Variants in KIF1A observed in about 807,000 individuals in gnomAD.
KIF1A encodes the protein kinesin-like protein KIF1A.
KIF1A carries 46 observed loss-of-function variants against 227.3 expected under a neutral mutation model. That is an observed-to-expected ratio of 0.20 (90% CI 0.16 to 0.26). KIF1A has a LOEUF of 0.26. Among genes scored for constraint, KIF1A ranks in the 10% least tolerant of loss-of-function variants. The pLI, the probability that KIF1A is intolerant of heterozygous loss-of-function variation, is 1.00. For synonymous variants in KIF1A, 1,022 were observed against 1,012.8 expected (o/e 1.01, Z -0.17); for missense variants, 1,683 against 2,485.9 (o/e 0.68, Z 6.87).
chr2:240,743,555 T>G (rs951105663), intron 33 of KIF1A, among the ~76,000 whole-genome samples: 6 of 152,158 alleles, frequency 3.9e-5, no homozygotes, highest in Non-Finnish European at 8.8e-5. Context: ...CTGCGTGGAC[T>G]GAGGGAGCTA....
chr2:240,806,059 G>A (rs2057376862), intron 1 of KIF1A, among the ~76,000 whole-genome samples: 1 of 152,192 alleles, frequency 6.6e-6, no homozygotes, highest in Non-Finnish European at 1.5e-5. Flanking sequence ...TCAGACATCA[G>A]ACAATAGGCA....
chr2:240,791,943 G>A (rs985040726), intron 2 of KIF1A, among the ~76,000 whole-genome samples: 4 of 146,450 alleles, frequency 2.7e-5, no homozygotes, highest in Admixed American at 6.8e-5. Context: ...CACTGGGGCT[G>A]GGACCCCCAC....
chr2:240,787,195 GC>G (rs1239684562), intron 5 of KIF1A, 55 bp downstream of exon 5: 6 of 1,398,846 alleles, frequency 4.3e-6, no homozygotes, highest in Non-Finnish European at 1.0e-6. Context: ...AGCACTGCCA[GC>G]CACACCAGAT....
rs7567787 is a variant in KIF1A at position 240,766,273 on chromosome 2, A to C, written c.1685-480T>G. ...GGTCTGCAGGCCAGAGGCTGGCTGG[A>C]TGCTGCCGGGAGATGCCCTTAGCCT... On this transcript the variant is annotated intron_variant, in intron 19 of 48. Coordinates refer to ENST00000498729, the MANE Select transcript of KIF1A (RefSeq NM_001244008.2). The surrounding 1 kb of genome is among the most constrained non-coding windows in gnomAD (Gnocchi z 5.0). 8.5e-3 allele frequency among the ~76,000 whole-genome samples: 1,290 copies of C among 152,324 alleles called. 12 individuals carry two copies. The highest frequency in any genetic ancestry group is 0.028 in the African/African-American group (1,175 of 41,568).
At chr2:240,812,667 C>T (rs540863363) in intron 1 of KIF1A, among the ~76,000 whole-genome samples, 758 of 150,242 alleles carry the variant, frequency 5.0e-3, no homozygotes, top group Non-Finnish European at 8.5e-3. Flanking sequence ...TCCACCTTCA[C>T]CTCAGGGATC....
intron 1 of KIF1A, among the ~76,000 whole-genome samples, chr2:240,812,924 A>ACCTCGGGGATCC (rs1205330618): frequency 1.1e-3 from 50 of 46,302 alleles, no homozygotes; most frequent in East Asian, 3.1e-3. Flanking sequence ...CTCGGGGATC[A>ACCTCGGGGATCC]GCCTTCACCT....
intron 2 of KIF1A, among the ~76,000 whole-genome samples, chr2:240,796,425 G>A (rs556389282): frequency 2.0e-5 from 3 of 152,260 alleles, no homozygotes; most frequent in South Asian, 2.1e-4. Context: ...CCAGGGCCCC[G>A]GCCACGGAGG....
chr2:240,805,023 AAGGGGAGGGG>A (rs1369319573), intron 1 of KIF1A, among the ~76,000 whole-genome samples: 2 of 140,452 alleles, frequency 1.4e-5, no homozygotes, highest in African/African-American at 5.2e-5. Flanking sequence ...AAGGGAAGGG[AAGGGGAGGGG>A]AGGGGAGGGA....
rs567933780 is a variant in KIF1A at position 240,813,040 on chromosome 2, C to T, written c.-61+7082G>A. On this transcript the variant is annotated intron_variant, in intron 1 of 48. Transcript: ENST00000498729. ...GATCTGCCTTCACCTCAAGGATCCACTTGCTCCCAGTTAGACAAGTGGCCC... is the reference window on the plus strand; with the variant it reads ...GATCTGCCTTCACCTCAAGGATCCATTTGCTCCCAGTTAGACAAGTGGCCC... Among the ~76,000 whole-genome samples the T allele has an allele frequency of 2.4e-4, 36 of 152,038 alleles. No individual in the cohort carries two copies. In the East Asian group the frequency reaches 3.1e-3, roughly 13 times the overall value.
At chr2:240,781,550 C>T (rs917987057) in intron 10 of KIF1A, among the ~76,000 whole-genome samples, 1 of 152,040 alleles carries the variant, frequency 6.6e-6, no homozygotes, top group African/African-American at 2.4e-5. Context: ...ATCTGGACAG[C>T]GGATCGTTCT....
At chr2:240,794,096 G>A (rs2056082580) in intron 2 of KIF1A, among the ~76,000 whole-genome samples, 1 of 152,092 alleles carries the variant, frequency 6.6e-6, no homozygotes, top group Admixed American at 6.5e-5. Context: ...GGCTTGTCTG[G>A]GGGCAGGTCA....
intron 38 of KIF1A, among the ~76,000 whole-genome samples, chr2:240,730,632 G>A (rs949202373): frequency 6.6e-6 from 1 of 152,224 alleles, no homozygotes; most frequent in Non-Finnish European, 1.5e-5. Context: ...CTCGCCCGAA[G>A]GGAACATGAT....
chr2:240,723,951 AGT>A (rs756753144), intron 41 of KIF1A, 22 bp downstream of exon 41: 26 of 1,604,690 alleles, frequency 1.6e-5, no homozygotes, highest in Non-Finnish European at 2.2e-5. Flanking sequence ...GAACCCACCC[AGT>A]GAGAGCAGGG....
chr2:240,782,944 C>A, intron 9 of KIF1A, 100 bp downstream of exon 9: 1 of 1,010,212 alleles, frequency 9.9e-7, no homozygotes. Context: ...ACCTGGCCAC[C>A]TCCCAGACAC....
intron 38 of KIF1A, among the ~76,000 whole-genome samples, chr2:240,735,689 C>T (rs889547617): frequency 3.3e-5 from 5 of 152,180 alleles, no homozygotes; most frequent in Admixed American, 6.5e-5. Flanking sequence ...AGGCAGCGCC[C>T]GTGCTGGGGG....
intron 27 of KIF1A, among the ~76,000 whole-genome samples, chr2:240,755,233 C>T (rs1268650353): frequency 6.6e-6 from 1 of 152,366 alleles, no homozygotes; most frequent in Non-Finnish European, 1.5e-5. Context: ...CAGTGCAGAA[C>T]ACAGGAGGCC....
At chr2:240,742,120 C>T (rs747608235) in intron 34 of KIF1A, among the ~76,000 whole-genome samples, 10 of 152,232 alleles carry the variant, frequency 6.6e-5, no homozygotes, top group Non-Finnish European at 1.3e-4. Flanking sequence ...AGGGTGTCCT[C>T]CCACAGTGTC....
chr2:240,775,656 A>G lies in KIF1A; in HGVS notation c.958+195T>C, dbSNP rs2052630679. Among the ~76,000 whole-genome samples the G allele has an allele frequency of 6.6e-6, 1 of 152,114 alleles. No individual in the cohort carries two copies. Among genetic ancestry groups the G allele is most frequent in the Non-Finnish European group, 1.5e-5 (1 of 68,002 alleles). On this transcript the variant is annotated intron_variant, in intron 11 of 48. Transcript: ENST00000498729. This position sits in a 1 kb window ranked among gnomAD's most constrained non-coding sequence, Gnocchi z 5.5. ...TCCTGGTTCCCACACTCGCTTCGTT[A>G]ACCCACTGCTGGCCGTTGCCCCAGG...
chr2:240,748,831 G>T, intron 28 of KIF1A: 1 of 171,446 alleles, frequency 5.8e-6, no homozygotes. Context: ...AGGCTGGGCA[G>T]GGTGGCTGGC....
Sources: allele counts gnomAD v4.1 joint callset (sites outside exome capture counted in the v4.1 genomes callset), GRCh38; gene constraint gnomAD v4.1.1; non-coding constraint Gnocchi (gnomAD v3.1); transcripts MANE v1.5; gene names NCBI Gene and HGNC (gene_info 2026-07-23, HGNC 2026-07-21).